JAZF1: variants seen among roughly 807,000 people sequenced by gnomAD.
JAZF1 encodes JAZF zinc finger 1.
JAZF1 carries 8 observed loss-of-function variants against 26.4 expected under a neutral mutation model. That is an observed-to-expected ratio of 0.30 (90% CI 0.18 to 0.55). JAZF1 has a LOEUF of 0.55. Among genes scored for constraint, JAZF1 ranks in the 20% least tolerant of loss-of-function variants. JAZF1 has a pLI of 0.94. For synonymous variants in JAZF1, 126 were observed against 122.3 expected, an observed-to-expected ratio of 1.03 and a Z score of -0.20; for missense variants, 199 against 322.0, an observed-to-expected ratio of 0.62 and a Z score of 2.92.
At position 27,857,108 on chromosome 7, in the gene JAZF1, G is replaced by A. The variant is rs113214203; in HGVS notation, c.386-16241C>T. Among the ~76,000 whole-genome samples the A allele has an allele frequency of 5.8e-3, 885 of 152,354 alleles. 12 individuals carry two copies. The highest frequency in any genetic ancestry group is 0.02 in the African/African-American group (833 of 41,588). On this transcript the variant is annotated intron_variant, in intron 3 of 4. Transcript: ENST00000283928. ...AACTGGGCGCCGTGGAGCAGGGGGC[G>A]GCGCTCGTCGGGGAGGCTTGGGCCG... is the stretch of plus-strand genomic sequence containing the variant.
At chr7:28,003,362 GA>G (rs1173735871) in intron 1 of JAZF1, among the ~76,000 whole-genome samples, 2 of 152,122 alleles carry the variant, frequency 1.3e-5, no homozygotes, top group African/African-American at 4.8e-5. Flanking sequence ...GAAAGAGGAG[GA>G]AAAAATCATC....
intron 1 of JAZF1, among the ~76,000 whole-genome samples, chr7:28,161,559 G>C (rs902511079): frequency 6.6e-6 from 1 of 152,144 alleles, no homozygotes; most frequent in Non-Finnish European, 1.5e-5. Flanking sequence ...GCTGTCACAG[G>C]AATGAGTGTC....
chr7:28,075,035 G>A (rs1421058657), intron 1 of JAZF1, among the ~76,000 whole-genome samples: 1 of 152,140 alleles, frequency 6.6e-6, no homozygotes, highest in Non-Finnish European at 1.5e-5. Context: ...ACTGTCCTCA[G>A]AAACCAAGCA....
chr7:28,014,219 T>C (rs1286983753), intron 1 of JAZF1, among the ~76,000 whole-genome samples: 3 of 152,064 alleles, frequency 2.0e-5, no homozygotes, highest in Non-Finnish European at 4.4e-5. Context: ...AAAATGCCAA[T>C]TGCATTTGGT....
At chr7:28,067,228 C>A (rs7798247) in intron 1 of JAZF1, among the ~76,000 whole-genome samples, 15,779 of 152,198 alleles carry the variant, frequency 0.1, 1,410 homozygotes, top group East Asian at 0.38. Flanking sequence ...ATTAAGGTAA[C>A]TATTATCCTC....
chr7:28,176,294 A>G (rs1322312499), intron 1 of JAZF1, among the ~76,000 whole-genome samples: 2 of 152,242 alleles, frequency 1.3e-5, no homozygotes, highest in African/African-American at 4.8e-5. Context: ...CTAGTCTGGT[A>G]CGATCACATG....
At chr7:27,996,545 G>A (rs1002606958) in intron 1 of JAZF1, among the ~76,000 whole-genome samples, 2 of 152,146 alleles carry the variant, frequency 1.3e-5, no homozygotes, top group Non-Finnish European at 2.9e-5. Flanking sequence ...CACTTTTCTT[G>A]GGAATCAGCA....
chr7:28,017,833 G>A (rs748511795), intron 1 of JAZF1, among the ~76,000 whole-genome samples: 5 of 152,192 alleles, frequency 3.3e-5, no homozygotes, highest in Non-Finnish European at 5.9e-5. Flanking sequence ...GAGTGCAGTG[G>A]CACGATCTCG....
chr7:28,133,158 C>A (rs557387593), intron 1 of JAZF1, among the ~76,000 whole-genome samples: 18 of 152,332 alleles, frequency 1.2e-4, no homozygotes, highest in African/African-American at 3.8e-4. Context: ...TTAACAAACA[C>A]CCTCTGTAAA....
intron 1 of JAZF1, among the ~76,000 whole-genome samples, chr7:28,143,336 T>C (rs1002917327): frequency 6.6e-6 from 1 of 152,252 alleles, no homozygotes; most frequent in Non-Finnish European, 1.5e-5. Flanking sequence ...AAGGCTGGAA[T>C]AGAAATAGTA....
intron 2 of JAZF1, among the ~76,000 whole-genome samples, chr7:27,982,497 C>G (rs960581396): frequency 7.2e-5 from 11 of 152,340 alleles, no homozygotes; most frequent in African/African-American, 1.2e-4. Flanking sequence ...GGAGGTCCGC[C>G]TGCCTCTGTA....
chr7:27,874,003 C>G (rs1163118293), intron 3 of JAZF1, among the ~76,000 whole-genome samples: 2 of 152,256 alleles, frequency 1.3e-5, no homozygotes, highest in Non-Finnish European at 2.9e-5. Context: ...GAATGGCAAT[C>G]ATAAGCAGTC....
At chr7:27,870,256 C>T (rs1162739609) in intron 3 of JAZF1, among the ~76,000 whole-genome samples, 1 of 151,910 alleles carries the variant, frequency 6.6e-6, no homozygotes, top group African/African-American at 2.4e-5. Flanking sequence ...CCCATAAGCT[C>T]ATTTCCTGGG....
chr7:28,041,351 T>G (rs932361811), intron 1 of JAZF1, among the ~76,000 whole-genome samples: 1 of 152,184 alleles, frequency 6.6e-6, no homozygotes, highest in Non-Finnish European at 1.5e-5. Context: ...CTTGGGATGC[T>G]TTGAGCTTGA....
At chr7:27,868,808 A>C (rs1783529875) in intron 3 of JAZF1, among the ~76,000 whole-genome samples, 1 of 152,128 alleles carries the variant, frequency 6.6e-6, no homozygotes, top group South Asian at 2.1e-4. Context: ...TGACAACCAC[A>C]ACAGTAGCTC....
chr7:28,001,816 C>T (rs373928575), intron 1 of JAZF1, among the ~76,000 whole-genome samples: 8 of 135,708 alleles, frequency 5.9e-5, no homozygotes, highest in South Asian at 2.7e-4. Context: ...GAGGACTGGG[C>T]GGGGGCGGGA....
At chr7:27,963,174 A>G (rs1294149790) in intron 2 of JAZF1, among the ~76,000 whole-genome samples, 1 of 152,260 alleles carries the variant, frequency 6.6e-6, no homozygotes, top group Non-Finnish European at 1.5e-5. Context: ...GTTCTCATGT[A>G]TACTACGTTA....
chr7:27,887,116 G>C (rs113427075), intron 3 of JAZF1, among the ~76,000 whole-genome samples: 2 of 152,086 alleles, frequency 1.3e-5, no homozygotes, highest in Admixed American at 6.5e-5. Flanking sequence ...GGGGCCTTTC[G>C]GAGGGTGGAG....
At chr7:27,913,478 C>T (rs1042046920) in intron 2 of JAZF1, 2 of 389,806 alleles carry the variant, frequency 5.1e-6, no homozygotes, top group Admixed American at 3.4e-5. Flanking sequence ...GGGTGGGGAA[C>T]AAAGAGACCC....
Sources: allele counts gnomAD v4.1 joint callset (sites outside exome capture counted in the v4.1 genomes callset), GRCh38; gene constraint gnomAD v4.1.1; transcripts MANE v1.5; gene names NCBI Gene and HGNC (gene_info 2026-07-23, HGNC 2026-07-21).